GPM6B: variants seen among roughly 807,000 people sequenced by gnomAD.
The protein encoded by GPM6B is neuronal membrane glycoprotein M6-b.
GPM6B carries 4 observed loss-of-function variants against 27.2 expected under a neutral mutation model. The observed-to-expected ratio is 0.15, with a 90% CI of 0.07 to 0.34. The LOEUF is 0.34. Ranked by LOEUF, GPM6B falls within the 10% of genes least tolerant of loss-of-function variation. The probability of loss-of-function intolerance (pLI) is 1.00; values close to 1 mark genes in which losing one functional copy is unlikely to be tolerated. For synonymous variants in GPM6B, 124 were observed against 103.1 expected (o/e 1.20, Z -1.23); for missense variants, 183 against 261.9 (o/e 0.70, Z 2.08).
chrX:13,812,044 C>CTTTTTTTTTTTTTTTTTTTT lies in GPM6B; in HGVS notation c.62-4276_62-4275insAAAAAAAAAAAAAAAAAAAA, dbSNP rs752162419. Among the ~76,000 whole-genome samples the CTTTTTTTTTTTTTTTTTTTT allele has an allele frequency of 4.8e-5, 4 of 82,667 alleles. 1 individual carries two copies. Among genetic ancestry groups the CTTTTTTTTTTTTTTTTTTTT allele is most frequent in the Non-Finnish European group, 6.8e-5 (3 of 43,963 alleles). The allele number at this position is 82,667 out of a possible 115,157, so 71.8% of individuals were successfully genotyped here. A position where few individuals can be genotyped will look rare whatever the true frequency, so the allele number is the denominator to read the frequency against. On this transcript the variant is annotated intron_variant, in intron 1 of 7. Transcript: ENST00000316715. ...TTTCAAAGGAGAACACTTTTCTTTT[C>CTTTTTTTTTTTTTTTTTTTT]TTTCTTTTTTTTTTTTTTTTTTTGA...
chrX:13,868,261 G>A (rs1457757965), intron 1 of GPM6B, among the ~76,000 whole-genome samples: 1 of 111,422 alleles, frequency 9.0e-6, no homozygotes, highest in Non-Finnish European at 1.9e-5. Context: ...GGGAGGAAAT[G>A]CTTTGTATTA....
intron 1 of GPM6B, among the ~76,000 whole-genome samples, chrX:13,846,530 G>A (rs755024393): frequency 3.7e-5 from 4 of 108,973 alleles, no homozygotes; most frequent in African/African-American, 1.3e-4. Context: ...TTGCTCTGTC[G>A]CCCAGGCTGG....
chrX:13,787,659 A>T (rs2048638418), intron 2 of GPM6B, among the ~76,000 whole-genome samples: 1 of 112,653 alleles, frequency 8.9e-6, no homozygotes, highest in Non-Finnish European at 1.9e-5. Context: ...CAGAGATGTT[A>T]GAGCTCAATC....
chrX:13,785,568 A>G, intron 3 of GPM6B, 54 bp downstream of exon 3: 1 of 1,107,024 alleles, frequency 9.0e-7, no homozygotes, highest in Non-Finnish European at 1.2e-6. Flanking sequence ...GATGACAGGC[A>G]TGAGCCACCA....
chrX:13,806,166 T>C (rs972531809), intron 2 of GPM6B, among the ~76,000 whole-genome samples: 3 of 111,761 alleles, frequency 2.7e-5, no homozygotes, highest in African/African-American at 9.8e-5. Flanking sequence ...TACCCATCTG[T>C]AGTTGCTCCC....
At chrX:13,791,286 T>G (rs950670894) in intron 2 of GPM6B, among the ~76,000 whole-genome samples, 1 of 110,391 alleles carries the variant, frequency 9.1e-6, no homozygotes, top group African/African-American at 3.3e-5. Context: ...CTCCGCTCAC[T>G]GCAGCCTCAA....
intron 1 of GPM6B, among the ~76,000 whole-genome samples, chrX:13,861,242 T>C (rs941417593): frequency 1.8e-5 from 2 of 111,059 alleles, no homozygotes; most frequent in Non-Finnish European, 3.8e-5. Flanking sequence ...TTCCATACTT[T>C]TGCAATTGCA....
At chrX:13,904,366 C>T (rs1327771188) in intron 1 of GPM6B, among the ~76,000 whole-genome samples, 1 of 111,454 alleles carries the variant, frequency 9.0e-6, no homozygotes, top group Non-Finnish European at 1.9e-5. Context: ...TGGTTTGCTG[C>T]CTGTATTCGT....
intron 2 of GPM6B, among the ~76,000 whole-genome samples, chrX:13,792,874 T>C (rs1197133897): frequency 5.0e-5 from 5 of 100,118 alleles, no homozygotes; most frequent in Non-Finnish European, 9.9e-5. Context: ...CACTCCAGCC[T>C]GGCGACAGAG....
At chrX:13,796,443 G>C (rs2048817636) in intron 2 of GPM6B, among the ~76,000 whole-genome samples, 1 of 112,105 alleles carries the variant, frequency 8.9e-6, no homozygotes, top group Non-Finnish European at 1.9e-5. Flanking sequence ...GGGGTCAACT[G>C]TTTCTAAGCA....
chrX:13,925,606 T>C (rs1476768682), intron 1 of GPM6B, among the ~76,000 whole-genome samples: 1 of 108,681 alleles, frequency 9.2e-6, no homozygotes, highest in Non-Finnish European at 1.9e-5. Context: ...ACATTTTACC[T>C]TTAAAAAATG....
chrX:13,933,884 G>C (rs934971809), intron 1 of GPM6B, among the ~76,000 whole-genome samples: 2 of 111,662 alleles, frequency 1.8e-5, no homozygotes, highest in African/African-American at 6.5e-5. Context: ...AGACTTCTAG[G>C]AACTCCAATC....
chrX:13,776,316 A>C lies in GPM6B; in HGVS notation c.772-13T>G. On this transcript the variant is annotated splice_polypyrimidine_tract_variant and intron_variant, in intron 6 of 7. Transcript: ENST00000316715. ...AGGACATGTAGAACTACAAAAGAAC[A>C]GGGCATCAACATAAGCATTTGATGT... The C allele has an allele frequency of 8.4e-7, 1 of 1,186,651 alleles. No homozygotes were observed. The highest frequency in any genetic ancestry group is 3.0e-5 in the East Asian group (1 of 33,714).
At chrX:13,831,669 CA>C (rs770471333) in intron 1 of GPM6B, among the ~76,000 whole-genome samples, 31 of 111,360 alleles carry the variant, frequency 2.8e-4, no homozygotes, top group Non-Finnish European at 5.1e-4. Flanking sequence ...TTCTTTGGGG[CA>C]AGATGTCAAA....
chrX:13,818,089 C>T (rs1361622287), upstream of GPM6B, among the ~76,000 whole-genome samples: 1 of 112,143 alleles, frequency 8.9e-6, no homozygotes, highest in African/African-American at 3.2e-5. Flanking sequence ...ATGAGGCCAA[C>T]ATTCTCAACC....
At chrX:13,783,960 G>C (rs768788867) in intron 3 of GPM6B, 29 of 293,949 alleles carry the variant, frequency 9.9e-5, no homozygotes, top group Non-Finnish European at 1.8e-4. Flanking sequence ...CAGGCCTAGT[G>C]GTTAATGTCA....
intron 1 of GPM6B, chrX:13,889,587 C>G (rs1603115338): frequency 9.0e-6 from 1 of 111,435 alleles, no homozygotes; most frequent in East Asian, 2.8e-4. Context: ...GATGGTTTCA[C>G]ATTAGATGCA....
chrX:13,855,456 G>A (rs746628166), intron 1 of GPM6B, among the ~76,000 whole-genome samples: 1 of 111,981 alleles, frequency 8.9e-6, no homozygotes, highest in East Asian at 2.8e-4. Flanking sequence ...TTGCTGTATG[G>A]TACAGTTCAT....
intron 1 of GPM6B, among the ~76,000 whole-genome samples, chrX:13,923,801 T>A (rs1227673450): frequency 1.8e-5 from 2 of 112,597 alleles, no homozygotes; most frequent in Non-Finnish European, 3.7e-5. Context: ...AAACTTGGTC[T>A]TTGTAATGGT....
Sources: allele counts gnomAD v4.1 joint callset (sites outside exome capture counted in the v4.1 genomes callset), GRCh38; gene constraint gnomAD v4.1.1; transcripts MANE v1.5; gene names NCBI Gene and HGNC (gene_info 2026-07-23, HGNC 2026-07-21).